The following NPAT variants were observed in gnomAD, a reference collection of about 807,000 sequenced individuals.
NPAT encodes nuclear protein, coactivator of histone transcription, also known as protein NPAT.
NPAT carries 52 observed loss-of-function variants against 130.7 expected under a neutral mutation model. The observed-to-expected ratio is 0.40, with a 90% CI of 0.32 to 0.50. The LOEUF is 0.50. NPAT is among the 20% of genes least tolerant of loss of function. NPAT has a pLI of 0.68. For missense variants in NPAT, 1,687 were observed against 1,662.6 expected (o/e 1.01, Z -0.26); for synonymous variants, 580 against 584.8 (o/e 0.99, Z 0.12).
chr11:108,207,099 G>C (rs1221604240), intron 1 of NPAT, among the ~76,000 whole-genome samples: 1 of 152,228 alleles, frequency 6.6e-6, no homozygotes, highest in Non-Finnish European at 1.5e-5. Flanking sequence ...CCTTTCTGCA[G>C]GCAGGTTGTC....
At chr11:108,178,334 A>C (rs980434853) in intron 10 of NPAT, among the ~76,000 whole-genome samples, 1 of 152,114 alleles carries the variant, frequency 6.6e-6, no homozygotes, top group African/African-American at 2.4e-5. Flanking sequence ...AGGGCTCATG[A>C]CTGACAACAG....
chr11:108,184,911 T>C (rs188873546), intron 10 of NPAT, among the ~76,000 whole-genome samples: 1 of 152,308 alleles, frequency 6.6e-6, no homozygotes. Flanking sequence ...AGAAATGTAA[T>C]TTATATAAAC....
At chr11:108,166,880 T>G (rs2077907036) in intron 15 of NPAT, among the ~76,000 whole-genome samples, 1 of 152,248 alleles carries the variant, frequency 6.6e-6, no homozygotes, top group African/African-American at 2.4e-5. Flanking sequence ...ATCTTTACAC[T>G]GTTAAATTTT....
At chr11:108,186,978 T>C (rs1181065583) in intron 7 of NPAT, among the ~76,000 whole-genome samples, 1 of 152,192 alleles carries the variant, frequency 6.6e-6, no homozygotes, top group Non-Finnish European at 1.5e-5. Context: ...AAAAATGAGT[T>C]TGAAGTCTAG....
intron 1 of NPAT, among the ~76,000 whole-genome samples, chr11:108,218,433 TTTA>T (rs141035987): frequency 0.014 from 2,085 of 152,352 alleles, 45 homozygotes; most frequent in African/African-American, 0.047. Flanking sequence ...CTTCACATAT[TTTA>T]TTATTTCCTA....
rs2134874527 is a variant in NPAT, at chr11:108,196,812, T to C, written c.156+490A>G. On this transcript the variant is annotated intron_variant, in intron 2 of 17. Transcript: ENST00000278612. Reference sequence around the variant, plus strand: ...TCATTTTCAGTTTCCTAAGCAGACATTCATGTTATCTGTGATAGCCTTTAA... The same window carrying C: ...TCATTTTCAGTTTCCTAAGCAGACACTCATGTTATCTGTGATAGCCTTTAA... Among the ~76,000 whole-genome samples, 3 of 152,338 alleles carry C rather than the reference T, an allele frequency of 2.0e-5. 1 individual carries two copies. The South Asian group carries it at 6.2e-4, about 32-fold the overall frequency.
intron 1 of NPAT, among the ~76,000 whole-genome samples, chr11:108,221,261 A>G (rs1029724630): frequency 6.6e-6 from 1 of 152,128 alleles, no homozygotes; most frequent in Non-Finnish European, 1.5e-5. Flanking sequence ...AACATCCTAC[A>G]ATGTTTGAGC....
At position 108,158,928 on chromosome 11, in the gene NPAT, T is replaced by C. The variant is rs56219135; in HGVS notation, c.*14A>G. ...GAGTTTTTAACACCTACTGTTCTTATGTGTCCAGAATGTTTACTCATCATA... is the reference window on the plus strand; with the variant it reads ...GAGTTTTTAACACCTACTGTTCTTACGTGTCCAGAATGTTTACTCATCATA... On this transcript the variant is annotated 3_prime_UTR_variant, in exon 18 of 18. Coordinates refer to ENST00000278612, the MANE Select transcript of NPAT (RefSeq NM_002519.3). 1.4e-3 allele frequency: 2,186 copies of C among 1,513,832 alleles called. No individual in the cohort carries two copies. Among genetic ancestry groups the C allele is most frequent in the Non-Finnish European group, 1.9e-3 (2,024 of 1,091,296 alleles). The allele number at this position is 1,513,832 out of a possible 1,614,324, so 93.8% of individuals were successfully genotyped here.
chr11:108,167,546 T>C (rs1171271726), intron 15 of NPAT, among the ~76,000 whole-genome samples: 1 of 152,104 alleles, frequency 6.6e-6, no homozygotes, highest in African/African-American at 2.4e-5. Context: ...GAACCACATA[T>C]GTATGGATGT....
intron 1 of NPAT, among the ~76,000 whole-genome samples, chr11:108,210,323 G>A (rs182402188): frequency 6.6e-6 from 1 of 152,260 alleles, no homozygotes; most frequent in African/African-American, 2.4e-5. Flanking sequence ...CCTGGTGGGA[G>A]GTGTTTTGGC....
At position 108,172,329 on chromosome 11, in the gene NPAT, A is replaced by C; in HGVS notation, c.2655T>G (p.Ser885=). 6.2e-7 allele frequency: 1 copy of C among 1,614,220 alleles called. No individual in the cohort carries two copies. The highest frequency in any genetic ancestry group is 1.1e-5 in the South Asian group (1 of 91,086). ...AATTTCCAGGCAACACCACTACATT[A>C]GACTGACTTACAGATGTTCCTAACG... The part of the protein sequence containing the change: ...PTALGTSVSQ[S]NVVVLPGNSA... Residue 885 remains serine, a synonymous_variant, in exon 13 of 18, where the codon TCT becomes TCG. Transcript: ENST00000278612.
intron 1 of NPAT, among the ~76,000 whole-genome samples, chr11:108,220,357 A>G (rs1429379914): frequency 1.3e-5 from 2 of 152,268 alleles, no homozygotes; most frequent in African/African-American, 2.4e-5. Flanking sequence ...GACACAGAAC[A>G]TAAGACAGAA....
At position 108,173,146 on chromosome 11, in the gene NPAT, G is replaced by A; in HGVS notation, c.1838C>T (p.Ser613Leu). The change falls in exon 13 of 18, where the codon TCA (serine) becomes TTA (leucine). Residue 613 changes from serine to leucine, a missense_variant. Around this residue, in one of 3 missense-constraint regions of NPAT, gnomAD observed 1,379 missense variants for 1,346.6 expected, o/e 1.02. Coordinates refer to ENST00000278612, the MANE Select transcript of NPAT (RefSeq NM_002519.3). Reference sequence around the variant, plus strand: ...TACTTGTCCAGATACATTTAAATGTGAACTTTCAACAGACACAGGTAGTAT... The same window carrying A: ...TACTTGTCCAGATACATTTAAATGTAAACTTTCAACAGACACAGGTAGTAT... ...SEILPVSVES[S>L]HLNVSGQVEI... 1 of 1,613,794 alleles carries A rather than the reference G, an allele frequency of 6.2e-7. No homozygotes were observed. Among genetic ancestry groups the A allele is most frequent in the Non-Finnish European group, 8.5e-7 (1 of 1,179,836 alleles).
chr11:108,180,775 T>G (rs2078051403), intron 10 of NPAT, among the ~76,000 whole-genome samples: 1 of 152,214 alleles, frequency 6.6e-6, no homozygotes, highest in Non-Finnish European at 1.5e-5. Context: ...TTATTCATGA[T>G]AGCCAAGAGA....
At chr11:108,180,256 A>G (rs1220132540) in intron 10 of NPAT, among the ~76,000 whole-genome samples, 1 of 152,124 alleles carries the variant, frequency 6.6e-6, no homozygotes, top group Non-Finnish European at 1.5e-5. Flanking sequence ...GAGCTCAAAG[A>G]GGTTCAGGCT....
At chr11:108,164,345 C>G (rs1238881125) in intron 15 of NPAT, among the ~76,000 whole-genome samples, 1 of 151,934 alleles carries the variant, frequency 6.6e-6, no homozygotes. Context: ...GCTAAGAAGC[C>G]CAGGTGTAAA....
intron 1 of NPAT, chr11:108,208,446 G>T (rs1184840374): frequency 2.2e-6 from 1 of 456,004 alleles, no homozygotes; most frequent in Non-Finnish European, 4.4e-6. Flanking sequence ...AAATTAGCTG[G>T]GCTTGGTGGT....
chr11:108,195,640 T>C (rs920245162), intron 2 of NPAT, among the ~76,000 whole-genome samples: 10 of 152,306 alleles, frequency 6.6e-5, no homozygotes, highest in Middle Eastern at 3.4e-3. Flanking sequence ...CCAGCCTTTT[T>C]TTTTTGGGAC....
Position 108,161,936 on chromosome 11 carries a change from C to G in NPAT, c.3150G>C (p.Glu1050Asp), listed in dbSNP as rs779340726. 2 of 1,607,446 alleles carry G rather than the reference C, an allele frequency of 1.2e-6. No homozygotes were observed. The highest frequency in any genetic ancestry group is 8.5e-7 in the Non-Finnish European group (1 of 1,176,862). The change falls in exon 17 of 18, where the codon GAG (glutamate) becomes GAC (aspartate). Residue 1050 changes from glutamate to aspartate, a missense_variant. By Grantham distance (45) the Glu-to-Asp change is conservative. Around this residue, in one of 3 missense-constraint regions of NPAT, gnomAD observed 1,379 missense variants for 1,346.6 expected, o/e 1.02. Coordinates refer to ENST00000278612, the MANE Select transcript of NPAT (RefSeq NM_002519.3). ...SEETTVPFPE[E>D]SIVPAAKPCH... ...ATGGTTTAGCAGCTGGAACTATACTCTCTTCTGGGAAGGGAACTGTGGTTT... is the reference window on the plus strand; with the variant it reads ...ATGGTTTAGCAGCTGGAACTATACTGTCTTCTGGGAAGGGAACTGTGGTTT...
Sources: gnomAD v4.1 joint callset for allele counts (sites outside exome capture counted in the v4.1 genomes callset) on GRCh38, gnomAD v4.1.1 for gene constraint, gnomAD v4.1.1 regional missense constraint, MANE v1.5 for transcripts, NCBI Gene and HGNC (gene_info 2026-07-23, HGNC 2026-07-21) for gene names.